CD34: variants seen among roughly 807,000 people sequenced by gnomAD.
CD34 encodes CD34 molecule.
Under a neutral mutation model 40.1 loss-of-function variants are expected in CD34, and 34 were observed. That is an observed-to-expected ratio of 0.85 (90% CI 0.65 to 1.13). CD34 has a LOEUF of 1.13. Ranked by LOEUF, CD34 falls within the 50% of genes most tolerant of loss-of-function variation. The pLI is 0.00. For synonymous variants in CD34, 209 were observed against 190.0 expected (o/e 1.10, Z -0.82); for missense variants, 426 against 466.9 (o/e 0.91, Z 0.81).
chr1:207,888,938 C>G (rs1661969624), intron 6 of CD34, 92 bp from the exon 7 acceptor site: 2 of 1,299,808 alleles, frequency 1.5e-6, no homozygotes, highest in South Asian at 2.6e-5. Context: ...CAACAGTGAA[C>G]AGATGCTTGA....
chr1:207,892,417 A>G (rs1481675408), intron 4 of CD34, among the ~76,000 whole-genome samples: 1 of 152,220 alleles, frequency 6.6e-6, no homozygotes, highest in Admixed American at 6.5e-5. Context: ...GTCTCTTCTA[A>G]AAAATGCAAA....
Position 207,889,483 on chromosome 1 carries a change from C to A in CD34, c.736G>T (p.Val246Phe). 6.2e-7 allele frequency: 1 copy of A among 1,613,000 alleles called. No homozygotes were observed. Among genetic ancestry groups the A allele is most frequent in the South Asian group, 1.1e-5 (1 of 90,952 alleles). Residue 246 changes from valine (V) to phenylalanine (F), a missense_variant, in exon 5 of 8, where the codon GTC (valine) becomes TTC (phenylalanine). Transcript: ENST00000310833. ...SEVRPQCLLL[V>F]LANRTEISSK... is the part of the protein sequence containing the mutation. ...ACCTTACCTGTTCTGTTGGCCAAGA[C>A]CAGCAGTAGACACTGAGGCCTCACC...
In CD34 at chr1:207,881,016, C is replaced by T. The variant is rs1661795681; in HGVS notation, c.*6722G>A. 1 of 152,112 alleles carries T rather than the reference C, an allele frequency of 6.6e-6. No individual in the cohort carries two copies. The highest frequency in any genetic ancestry group is 2.4e-5 in the African/African-American group (1 of 41,428). 9.4% of individuals were successfully genotyped at this position (152,112 alleles called of 1,614,324 possible). A position where few individuals can be genotyped will look rare whatever the true frequency, so the allele number is the denominator to read the frequency against. ...GTCATGTTTAACAACAACAACAAAA[C>T]ATTTTATGAGGTTCCAGTTTTTAAA... On this transcript the variant is annotated 3_prime_UTR_variant, in exon 8 of 8. Coordinates refer to ENST00000310833, the MANE Select transcript of CD34 (RefSeq NM_001025109.2).
At chr1:207,910,976 G>A (rs879155336) in intron 1 of CD34, 26 bp downstream of exon 1, 3 of 1,557,646 alleles carry the variant, frequency 1.9e-6, no homozygotes, top group East Asian at 4.7e-5. Context: ...GAAGCCAAGC[G>A]GCCGCGGCGC....
chr1:207,910,534 T>C (rs2102309592), intron 1 of CD34, among the ~76,000 whole-genome samples: 1 of 152,306 alleles, frequency 6.6e-6, no homozygotes, highest in East Asian at 1.9e-4. Flanking sequence ...TGTCCACTTC[T>C]GGCTCTCCCA....
intron 1 of CD34, among the ~76,000 whole-genome samples, chr1:207,903,180 G>C (rs534007476): frequency 3.0e-4 from 45 of 152,312 alleles, no homozygotes; most frequent in Middle Eastern, 6.8e-3. Flanking sequence ...ACAGTCTCTA[G>C]AGCCCTGGAG....
chr1:207,889,913 T>C lies in CD34; in HGVS notation c.598-292A>G, dbSNP rs1031264675. 4.3e-5 allele frequency: 65 copies of C among 1,502,012 alleles called. 1 individual carries two copies. Among genetic ancestry groups the C allele is most frequent in the Admixed American group, 2.0e-4 (7 of 34,352 alleles). The allele number at this position is 1,502,012 out of a possible 1,614,324, so 93.0% of individuals were successfully genotyped here. A position where few individuals can be genotyped will look rare whatever the true frequency, so the allele number is the denominator to read the frequency against. ...TTGAAGCATTGCCCATGTACACATA[T>C]GCAAATTAAACTCAAAAGAAATGGC... On this transcript the variant is annotated intron_variant, in intron 4 of 7. Coordinates refer to ENST00000310833, the MANE Select transcript of CD34 (RefSeq NM_001025109.2).
At chr1:207,890,332 A>G (rs1231614223) in intron 4 of CD34, 2 of 592,572 alleles carry the variant, frequency 3.4e-6, no homozygotes, top group African/African-American at 4.0e-5. Context: ...CTCCAATCAG[A>G]GTGTCCTCCT....
chr1:207,907,862 C>T (rs1183521004), intron 1 of CD34, among the ~76,000 whole-genome samples: 4 of 152,154 alleles, frequency 2.6e-5, no homozygotes, highest in Non-Finnish European at 4.4e-5. Context: ...ACAGCCCTGG[C>T]GACTGTGAGA....
At chr1:207,900,500 T>C (rs867998026) in intron 1 of CD34, among the ~76,000 whole-genome samples, 1 of 152,214 alleles carries the variant, frequency 6.6e-6, no homozygotes. Flanking sequence ...CACTGTATCC[T>C]CTTTTTTGGT....
In CD34 at chr1:207,899,824, T is replaced by G. The variant is rs954687741; in HGVS notation, c.259A>C (p.Thr87Pro). ...CTGACACAAATGCTGTTTTTACCTG[T>G]GATGTTTGTTGTGGCCTCATTGCCA... ...QHGNEATTNI[T>P]ETTVKFTSTS... Residue 87 changes from threonine to proline, a missense_variant, in exon 2 of 8, where the codon ACA (threonine) becomes CCA (proline). Thr to Pro is a conservative substitution (Grantham distance 38). Transcript: ENST00000310833. 5 of 1,608,988 alleles carry G rather than the reference T, an allele frequency of 3.1e-6. No individual in the cohort carries two copies. Among genetic ancestry groups the G allele is most frequent in the Non-Finnish European group, 4.2e-6 (5 of 1,177,912 alleles).
intron 4 of CD34, chr1:207,889,866 C>A: frequency 6.4e-7 from 1 of 1,557,872 alleles, no homozygotes; most frequent in South Asian, 1.2e-5. Context: ...TGTTAGAGAA[C>A]AAACTTAAAA....
rs1345139509 is a variant in CD34 at position 207,911,048 on chromosome 1, G to A, written c.33C>T (p.Pro11=). Residue 11 remains proline, a synonymous_variant, in exon 1 of 8, where the codon CCC becomes CCT. Coordinates refer to ENST00000310833, the MANE Select transcript of CD34 (RefSeq NM_001025109.2). ...GCGCGGTCCAGCCCCGCGGCATCCT[G>A]GGCCCTGCGCGCGCGCCCCTGCGGA... is the stretch of plus-strand genomic sequence containing the variant. MLVRRGARAG[P]RMPRGWTALC... The A allele has an allele frequency of 1.3e-6, 2 of 1,593,130 alleles. No individual in the cohort carries two copies. The highest frequency in any genetic ancestry group is 1.7e-6 in the Non-Finnish European group (2 of 1,173,336).
chr1:207,898,031 T>TTTTA (rs60024563), intron 3 of CD34, among the ~76,000 whole-genome samples: 48,092 of 143,008 alleles, frequency 0.34, 8,636 homozygotes, highest in Non-Finnish European at 0.41. Flanking sequence ...ATTTTGGCTC[T>TTTTA]TTTATTTATT....
At chr1:207,907,445 T>C (rs1054967310) in intron 1 of CD34, among the ~76,000 whole-genome samples, 6 of 152,192 alleles carry the variant, frequency 3.9e-5, no homozygotes, top group African/African-American at 1.4e-4. Flanking sequence ...TCATCCAGGA[T>C]TGTCTGGGGT....
intron 4 of CD34, among the ~76,000 whole-genome samples, chr1:207,893,210 T>G (rs1662072207): frequency 6.6e-6 from 1 of 152,096 alleles, no homozygotes; most frequent in African/African-American, 2.4e-5. Context: ...AATAAACCCA[T>G]CTAACCTCTC....
chr1:207,902,134 G>A lies in CD34; in HGVS notation c.80-2131C>T, dbSNP rs574033114. ...GCTATTAATGGTGACTGCAGCAATCGTGTCTTACTGTTATGTGTCAGGTAA... is the reference window on the plus strand; with the variant it reads ...GCTATTAATGGTGACTGCAGCAATCATGTCTTACTGTTATGTGTCAGGTAA... On this transcript the variant is annotated intron_variant, in intron 1 of 7. Coordinates refer to ENST00000310833, the MANE Select transcript of CD34 (RefSeq NM_001025109.2). 4.6e-5 allele frequency among the ~76,000 whole-genome samples: 7 copies of A among 152,284 alleles called. No homozygotes were observed. The South Asian group carries it at 8.3e-4, about 18-fold the overall frequency.
chr1:207,900,139 T>C, intron 1 of CD34, 136 bp from the exon 2 acceptor site: 1 of 670,224 alleles, frequency 1.5e-6, no homozygotes, highest in East Asian at 2.8e-5. Flanking sequence ...AACAAGAACA[T>C]ACTCCTGGAC....
chr1:207,891,917 GGTTAGCAGAC>G (rs1662045979), intron 4 of CD34, among the ~76,000 whole-genome samples: 1 of 152,072 alleles, frequency 6.6e-6, no homozygotes, highest in Non-Finnish European at 1.5e-5. Flanking sequence ...GTCTGGTTAA[GGTTAGCAGAC>G]ACATGTCACT....
Sources: gnomAD v4.1 joint callset for allele counts (sites outside exome capture counted in the v4.1 genomes callset) on GRCh38, gnomAD v4.1.1 for gene constraint, MANE v1.5 for transcripts, NCBI Gene and HGNC (gene_info 2026-07-23, HGNC 2026-07-21) for gene names.